Variants in CHD2 observed in about 807,000 individuals in gnomAD.
The protein encoded by CHD2 is chromodomain helicase DNA binding protein 2.
In CHD2, 28 loss-of-function variants were observed where a neutral mutation model predicts 243.9. The ratio of observed to expected loss-of-function variants is 0.11; its 90% CI spans 0.09 to 0.16. CHD2 has a LOEUF of 0.16. CHD2 is among the 10% of genes least tolerant of loss of function. The pLI is 1.00. For synonymous variants in CHD2, 775 were observed against 779.0 expected, an observed-to-expected ratio of 0.99 and a Z score of 0.09; for missense variants, 1,386 against 2,209.8, an observed-to-expected ratio of 0.63 and a Z score of 7.47.
chr15:93,003,720 A>G (rs1210562089), intron 33 of CHD2, among the ~76,000 whole-genome samples: 2 of 151,996 alleles, frequency 1.3e-5, no homozygotes, highest in African/African-American at 4.8e-5. Context: ...CCCCATAACC[A>G]CTACTGTGAA....
intron 6 of CHD2, among the ~76,000 whole-genome samples, chr15:92,938,748 C>T (rs1045066971): frequency 1.3e-5 from 2 of 152,170 alleles, no homozygotes; most frequent in African/African-American, 4.8e-5. Context: ...ATTTCTCTCC[C>T]TCTCTGACTT....
At chr15:92,962,749 T>C (rs1395600433) in intron 16 of CHD2, among the ~76,000 whole-genome samples, 4 of 152,196 alleles carry the variant, frequency 2.6e-5, no homozygotes, top group Non-Finnish European at 5.9e-5. Context: ...ATATTTTAAT[T>C]TTTAACTGTA....
At chr15:92,940,812 AATAT>A (rs1202467572) in intron 7 of CHD2, among the ~76,000 whole-genome samples, 1 of 143,272 alleles carries the variant, frequency 7.0e-6, no homozygotes, top group African/African-American at 2.5e-5. Flanking sequence ...AATAAATATA[AATAT>A]ATATAAATAT....
chr15:93,007,635 C>G (rs1036939896), intron 34 of CHD2, among the ~76,000 whole-genome samples: 3 of 152,112 alleles, frequency 2.0e-5, no homozygotes, highest in Non-Finnish European at 4.4e-5. Flanking sequence ...GTGCCAGATA[C>G]TCAGTGGCTG....
chr15:92,933,034 G>T (rs1358033946), intron 5 of CHD2, among the ~76,000 whole-genome samples: 2 of 97,756 alleles, frequency 2.0e-5, no homozygotes, highest in African/African-American at 7.6e-5. Context: ...GAGCCACCGC[G>T]CCCGGCCCCT....
At chr15:92,989,370 T>A (rs1174948893) in intron 26 of CHD2, among the ~76,000 whole-genome samples, 4 of 152,104 alleles carry the variant, frequency 2.6e-5, no homozygotes, top group Admixed American at 2.6e-4. Flanking sequence ...ATTTTTCCCG[T>A]GAAAAACTGG....
intron 22 of CHD2, among the ~76,000 whole-genome samples, 186 bp downstream of exon 22, chr15:92,979,469 C>A (rs531957820): frequency 2.8e-4 from 42 of 152,228 alleles, no homozygotes; most frequent in African/African-American, 9.6e-4. Context: ...CATCACCCCC[C>A]TTCTTATGTG....
At chr15:92,958,086 G>A (rs998722943) in intron 16 of CHD2, among the ~76,000 whole-genome samples, 32 of 152,128 alleles carry the variant, frequency 2.1e-4, no homozygotes, top group Non-Finnish European at 4.3e-4. Flanking sequence ...ATATCTTTGT[G>A]TGGACATATG....
At chr15:93,016,074 T>G (rs73456499) in intron 37 of CHD2, among the ~76,000 whole-genome samples, 7,694 of 152,240 alleles carry the variant, frequency 0.051, 248 homozygotes, top group South Asian at 0.14. Context: ...CATTGCAGCA[T>G]TATTTACGAT....
chr15:92,900,982 G>A (rs2052520965), intron 1 of CHD2, among the ~76,000 whole-genome samples, 158 bp downstream of exon 1: 1 of 150,168 alleles, frequency 6.7e-6, no homozygotes, highest in Non-Finnish European at 1.5e-5. Context: ...TATTGATAGT[G>A]ATGCTTCCAC....
chr15:93,019,218 T>C (rs1207256489), intron 37 of CHD2, among the ~76,000 whole-genome samples: 1 of 152,172 alleles, frequency 6.6e-6, no homozygotes, highest in Non-Finnish European at 1.5e-5. Flanking sequence ...GGAGAGATTT[T>C]CAGAGACCAG....
At chr15:92,956,097 G>A (rs955582294) in intron 15 of CHD2, among the ~76,000 whole-genome samples, 1 of 152,188 alleles carries the variant, frequency 6.6e-6, no homozygotes, top group Non-Finnish European at 1.5e-5. Context: ...GTGCTTCAGG[G>A]TTGGGGTGGA....
intron 7 of CHD2, among the ~76,000 whole-genome samples, chr15:92,941,005 AT>A (rs1188214604): frequency 8.3e-5 from 8 of 96,486 alleles, no homozygotes; most frequent in East Asian, 1.1e-3. Context: ...ATATATATAT[AT>A]AATTTTTTTT....
chr15:93,019,970 C>T, intron 37 of CHD2, 42 bp from the exon 38 acceptor site: 10 of 1,563,398 alleles, frequency 6.4e-6, no homozygotes, highest in East Asian at 4.5e-5. Flanking sequence ...TGAAATTCAT[C>T]CATTTCTTGC....
intron 2 of CHD2, among the ~76,000 whole-genome samples, chr15:92,912,529 G>A (rs1484505784): frequency 6.6e-6 from 1 of 151,910 alleles, no homozygotes; most frequent in African/African-American, 2.4e-5. Flanking sequence ...GTTAATTTTT[G>A]TATTTTTGTT....
At position 93,025,552 on chromosome 15, in the gene CHD2, AG is replaced by A. The variant is rs1419000761; in HGVS notation, c.*850del. The A allele has an allele frequency of 1.3e-5, 2 of 152,002 alleles. No individual in the cohort carries two copies. Among genetic ancestry groups the A allele is most frequent in the East Asian group, 3.9e-4 (2 of 5,120 alleles). The allele number at this position is 152,002 out of a possible 1,614,324, so 9.4% of individuals were successfully genotyped here. A position where few individuals can be genotyped will look rare whatever the true frequency, so the allele number is the denominator to read the frequency against. On this transcript the variant is annotated 3_prime_UTR_variant, in exon 39 of 39. Transcript: ENST00000394196. ...CTGGGGAGTAGGCTGAGTGAGGGGTAGGGTGGGGTAGGTGGGGAGTAGTGTG... is the reference window on the plus strand; with the variant it reads ...CTGGGGAGTAGGCTGAGTGAGGGGTAGGTGGGGTAGGTGGGGAGTAGTGTG...
At chr15:92,916,183 A>C (rs2052831836) in intron 2 of CHD2, among the ~76,000 whole-genome samples, 1 of 152,176 alleles carries the variant, frequency 6.6e-6, no homozygotes. Flanking sequence ...TTGATGTCTC[A>C]TGTCTCCCTA....
chr15:92,959,175 C>T (rs964457011), intron 16 of CHD2, among the ~76,000 whole-genome samples: 4 of 152,312 alleles, frequency 2.6e-5, no homozygotes, highest in South Asian at 2.1e-4. Context: ...CCTATGGACA[C>T]GAAGACTTGC....
chr15:93,025,155 T>G lies in CHD2; in HGVS notation c.*450T>G, dbSNP rs1335554471. Reference sequence around the variant, plus strand: ...TGAACAGTGTGTGATTTGGTTGATTTGGTTCACTCTGACATGATGGATGCT... The same window carrying G: ...TGAACAGTGTGTGATTTGGTTGATTGGGTTCACTCTGACATGATGGATGCT... On this transcript the variant is annotated 3_prime_UTR_variant, in exon 39 of 39. Transcript: ENST00000394196. The G allele has an allele frequency of 1.2e-5, 2 of 164,210 alleles. No individual in the cohort carries two copies. Among genetic ancestry groups the G allele is most frequent in the African/African-American group, 4.8e-5 (2 of 41,570 alleles). The allele number at this position is 164,210 out of a possible 1,614,324, so 10.2% of individuals were successfully genotyped here. A position where few individuals can be genotyped will look rare whatever the true frequency, so the allele number is the denominator to read the frequency against.
Sources: gnomAD v4.1 joint callset for allele counts (sites outside exome capture counted in the v4.1 genomes callset) on GRCh38, gnomAD v4.1.1 for gene constraint, MANE v1.5 for transcripts, NCBI Gene and HGNC (gene_info 2026-07-23, HGNC 2026-07-21) for gene names.